Variants in PCDH11X observed in about 807,000 individuals in gnomAD.
The protein encoded by PCDH11X is protocadherin 11 X-linked.
Under a neutral mutation model 53.3 loss-of-function variants are expected in PCDH11X, and 18 were observed. That is an observed-to-expected ratio of 0.34 (90% CI 0.23 to 0.50). PCDH11X has a LOEUF of 0.50. Ranked by LOEUF, PCDH11X falls within the 20% of genes least tolerant of loss-of-function variation. PCDH11X has a pLI of 0.98. For synonymous variants in PCDH11X, 279 were observed against 393.3 expected (o/e 0.71, Z 3.44); for missense variants, 570 against 1,032.4 (o/e 0.55, Z 6.14).
rs1233275441 is a variant in PCDH11X at position 92,132,639 on chromosome X, A to G, written c.3034-68736A>G. Among the ~76,000 whole-genome samples the G allele has an allele frequency of 3.1e-4, 19 of 62,217 alleles. No homozygotes were observed. In the East Asian group the frequency reaches 0.012, roughly 40 times the overall value. The allele number at this position is 62,217 out of a possible 115,157, so 54.0% of individuals were successfully genotyped here. On this transcript the variant is annotated intron_variant, in intron 6 of 10. Transcript: ENST00000682573. The stretch of plus-strand genomic sequence containing the variant: ...AAAAAAGAAATATATATATATGTAT[A>G]TATATATATATATATATGTATATAT...
chrX:92,532,164 C>T (rs1046101156), intron 10 of PCDH11X, among the ~76,000 whole-genome samples: 2 of 111,099 alleles, frequency 1.8e-5, no homozygotes, highest in South Asian at 3.8e-4. Context: ...TCTTATTCTC[C>T]CAGAGTTACC....
chrX:92,015,782 C>T, intron 6 of PCDH11X, among the ~76,000 whole-genome samples: 1 of 111,963 alleles, frequency 8.9e-6, no homozygotes, highest in East Asian at 2.8e-4. Flanking sequence ...GAATCACCTT[C>T]TTCCAAGTTC....
At chrX:91,940,249 C>T (rs1491003592) in intron 6 of PCDH11X, among the ~76,000 whole-genome samples, 1 of 111,332 alleles carries the variant, frequency 9.0e-6, no homozygotes, top group Non-Finnish European at 1.9e-5. Context: ...TGATGTTATA[C>T]TTCCTGTACA....
At chrX:92,018,326 C>G (rs1455332668) in intron 6 of PCDH11X, among the ~76,000 whole-genome samples, 1 of 111,555 alleles carries the variant, frequency 9.0e-6, no homozygotes, top group Non-Finnish European at 1.9e-5. Flanking sequence ...AACAAAAAAT[C>G]AATATTAACA....
chrX:92,112,009 G>A (rs1425364929), intron 6 of PCDH11X, among the ~76,000 whole-genome samples: 2 of 107,948 alleles, frequency 1.9e-5, no homozygotes, highest in African/African-American at 6.8e-5. Context: ...CACCCGCCTC[G>A]GCCTCCCAAA....
chrX:92,361,519 AG>A (rs900997548), intron 8 of PCDH11X, among the ~76,000 whole-genome samples: 1 of 111,508 alleles, frequency 9.0e-6, no homozygotes, highest in Non-Finnish European at 1.9e-5. Flanking sequence ...GACCAAACTC[AG>A]GTGACATTTC....
chrX:92,121,870 C>T (rs980481591), intron 6 of PCDH11X, among the ~76,000 whole-genome samples: 3 of 108,499 alleles, frequency 2.8e-5, no homozygotes, highest in Non-Finnish European at 5.7e-5. Context: ...GGACTATAGG[C>T]GTGCACCACC....
chrX:92,188,599 C>T (rs1351225863), intron 6 of PCDH11X, among the ~76,000 whole-genome samples: 1 of 111,380 alleles, frequency 9.0e-6, no homozygotes, highest in Admixed American at 9.6e-5. Flanking sequence ...AGGAGGGCAT[C>T]GTCTTCCAAT....
chrX:92,154,474 T>C (rs1328332891), intron 6 of PCDH11X, among the ~76,000 whole-genome samples: 1 of 106,704 alleles, frequency 9.4e-6, no homozygotes, highest in Non-Finnish European at 1.9e-5. Flanking sequence ...GAGAAAAGCA[T>C]GTCCCTGGCT....
At chrX:92,355,414 T>A (rs2070173853) in intron 8 of PCDH11X, among the ~76,000 whole-genome samples, 1 of 18,408 alleles carries the variant, frequency 5.4e-5, no homozygotes, top group Non-Finnish European at 7.7e-5. Flanking sequence ...CGAGACTCCG[T>A]CTCAAAAAAA....
Position 92,475,037 on chromosome X carries a change from C to T in PCDH11X, c.3367+6715C>T, listed in dbSNP as rs1387966793. On this transcript the variant is annotated intron_variant, in intron 10 of 10. Transcript: ENST00000682573. ...AAAATTAGCCGGGCGTAGTGGCGGGCGCCTGTAGTCCCAGCTACTCGGGAG... is the reference window on the plus strand; with the variant it reads ...AAAATTAGCCGGGCGTAGTGGCGGGTGCCTGTAGTCCCAGCTACTCGGGAG... Among the ~76,000 whole-genome samples, 622 of 101,554 alleles carry T rather than the reference C, an allele frequency of 6.1e-3. 7 individuals are homozygous for T. Among genetic ancestry groups the T allele is most frequent in the African/African-American group, 0.021 (588 of 27,705 alleles). 88.2% of individuals were successfully genotyped at this position (101,554 alleles called of 115,157 possible).
chrX:91,868,688 C>G (rs897034577), intron 5 of PCDH11X, among the ~76,000 whole-genome samples: 2 of 111,383 alleles, frequency 1.8e-5, no homozygotes, highest in Non-Finnish European at 3.8e-5. Flanking sequence ...TTTTATTTTC[C>G]TGATATTAAT....
At chrX:92,080,073 G>A (rs773529945) in intron 6 of PCDH11X, among the ~76,000 whole-genome samples, 1 of 111,553 alleles carries the variant, frequency 9.0e-6, no homozygotes, top group East Asian at 2.8e-4. Context: ...AGTAGAAGAG[G>A]AAGGCAGAGG....
At chrX:92,258,210 C>T (rs2067637624) in intron 7 of PCDH11X, among the ~76,000 whole-genome samples, 1 of 110,942 alleles carries the variant, frequency 9.0e-6, no homozygotes, top group Non-Finnish European at 1.9e-5. Flanking sequence ...TGCAGTGCAG[C>T]AGGGTCCTCA....
intron 8 of PCDH11X, among the ~76,000 whole-genome samples, chrX:92,352,136 T>G (rs1272276687): frequency 1.8e-5 from 2 of 111,715 alleles, no homozygotes; most frequent in African/African-American, 3.2e-5. Context: ...GTATCTTATA[T>G]TTATACTCCA....
At chrX:92,535,998 C>T (rs2074651580) in intron 10 of PCDH11X, among the ~76,000 whole-genome samples, 4 of 106,492 alleles carry the variant, frequency 3.8e-5, no homozygotes, top group South Asian at 8.6e-4. Flanking sequence ...TTTGATACGC[C>T]GTCTCCCTCA....
At chrX:92,071,730 C>G (rs2063704863) in intron 6 of PCDH11X, among the ~76,000 whole-genome samples, 1 of 111,209 alleles carries the variant, frequency 9.0e-6, no homozygotes, top group Admixed American at 9.5e-5. Context: ...CTTGGAATCA[C>G]CAGGCAGAGA....
Position 91,878,550 on chromosome X carries a change from G to C in PCDH11X, c.2310G>C (p.Leu770=). 8.3e-7 allele frequency: 1 copy of C among 1,211,484 alleles called. No homozygotes were observed. The highest frequency in any genetic ancestry group is 1.1e-6 in the Non-Finnish European group (1 of 895,409). The change falls in exon 6 of 11, where the codon CTG becomes CTC. Residue 770 remains leucine, a synonymous_variant. Coordinates refer to ENST00000682573, the MANE Select transcript of PCDH11X (RefSeq NM_032968.5). ...DSLFSVVIVN[L]FVNESVTNAT... ...TCTTCAGTGTTGTAATTGTCAATCT[G>C]TTCGTGAATGAGTCGGTGACCAATG...
chrX:92,178,507 C>T (rs757517596), intron 6 of PCDH11X, among the ~76,000 whole-genome samples: 45 of 111,874 alleles, frequency 4.0e-4, no homozygotes, highest in Non-Finnish European at 7.2e-4. Flanking sequence ...AATATTATAA[C>T]AAATTCAGGC....
Sources: allele counts gnomAD v4.1 joint callset (sites outside exome capture counted in the v4.1 genomes callset), GRCh38; gene constraint gnomAD v4.1.1; transcripts MANE v1.5; gene names NCBI Gene and HGNC (gene_info 2026-07-23, HGNC 2026-07-21).